SORCS2: variants seen among roughly 807,000 people sequenced by gnomAD.
The protein encoded by SORCS2 is VPS10 domain-containing receptor SorCS2.
Under a neutral mutation model 141.6 loss-of-function variants are expected in SORCS2, and 100 were observed. The observed-to-expected ratio is 0.71, with a 90% confidence interval of 0.60 to 0.83. SORCS2 has a LOEUF of 0.83. Among genes scored for constraint, SORCS2 ranks in the 40% least tolerant of loss-of-function variants. The pLI, the probability that SORCS2 is intolerant of heterozygous loss-of-function variation, is 0.00. For synonymous variants in SORCS2, 789 were observed against 676.9 expected, an observed-to-expected ratio of 1.17 and a Z score of -2.57; for missense variants, 1,646 against 1,560.2, an observed-to-expected ratio of 1.05 and a Z score of -0.93.
In SORCS2 at chr4:7,427,912, G is replaced by A. The variant is rs937875538; in HGVS notation, c.548+31557G>A. Among the ~76,000 whole-genome samples, 7 of 152,186 alleles carry A rather than the reference G, an allele frequency of 4.6e-5. No homozygotes were observed. In the South Asian group the frequency reaches 8.3e-4, roughly 18 times the overall value. On this transcript the variant is annotated intron_variant, in intron 2 of 26. Transcript: ENST00000507866. ...TCACATTTCAACACCAGCTTTGGAGGGGGCAGGCATCCGAACCATATCACC... is the reference window on the plus strand; with the variant it reads ...TCACATTTCAACACCAGCTTTGGAGAGGGCAGGCATCCGAACCATATCACC...
chr4:7,427,349 C>T (rs796491140), intron 2 of SORCS2, among the ~76,000 whole-genome samples: 11 of 152,226 alleles, frequency 7.2e-5, no homozygotes, highest in African/African-American at 1.9e-4. Context: ...CCTGGGGCCT[C>T]GGGCAAGAGC....
At chr4:7,594,428 C>T (rs531971525) in intron 3 of SORCS2, among the ~76,000 whole-genome samples, 4 of 152,344 alleles carry the variant, frequency 2.6e-5, no homozygotes, top group Middle Eastern at 6.8e-3. Flanking sequence ...AGCTGCTGCC[C>T]GAGGAAGGGT....
intron 2 of SORCS2, among the ~76,000 whole-genome samples, chr4:7,445,609 G>A (rs1004709693): frequency 3.9e-5 from 6 of 152,162 alleles, no homozygotes; most frequent in African/African-American, 7.2e-5. Flanking sequence ...AGAACAGGGC[G>A]GGATGGAGGC....
chr4:7,678,029 T>G (rs1723277714), intron 9 of SORCS2, among the ~76,000 whole-genome samples: 1 of 152,186 alleles, frequency 6.6e-6, no homozygotes, highest in African/African-American at 2.4e-5. Context: ...CTGTGATGCC[T>G]GCACCACCGC....
chr4:7,542,365 A>G (rs1319572693), intron 3 of SORCS2, among the ~76,000 whole-genome samples: 1 of 152,136 alleles, frequency 6.6e-6, no homozygotes, highest in East Asian at 1.9e-4. Context: ...ATCGAGGTAA[A>G]ATGAGGTCAT....
intron 2 of SORCS2, among the ~76,000 whole-genome samples, chr4:7,427,202 G>A (rs888454802): frequency 2.0e-5 from 3 of 152,198 alleles, no homozygotes; most frequent in Admixed American, 2.0e-4. Context: ...GGGTGACCTA[G>A]GGGGCCTCTC....
chr4:7,452,456 G>C (rs1728524756), intron 2 of SORCS2, among the ~76,000 whole-genome samples: 1 of 152,146 alleles, frequency 6.6e-6, no homozygotes, highest in South Asian at 2.1e-4. Context: ...AGGTTCTTCT[G>C]TTCCCCCTCT....
At chr4:7,611,988 C>T (rs1718435703) in intron 3 of SORCS2, among the ~76,000 whole-genome samples, 1 of 152,224 alleles carries the variant, frequency 6.6e-6, no homozygotes. Context: ...CTGGGCTCTG[C>T]CGTGGGTTCC....
intron 2 of SORCS2, among the ~76,000 whole-genome samples, chr4:7,417,752 CTGCAGAAGA>C (rs1477124707): frequency 6.6e-6 from 1 of 152,226 alleles, no homozygotes; most frequent in East Asian, 1.9e-4. Context: ...CCTCTCCTAT[CTGCAGAAGA>C]TGCAGAGAGC....
chr4:7,545,256 G>C (rs982047999), intron 3 of SORCS2, among the ~76,000 whole-genome samples: 1 of 152,022 alleles, frequency 6.6e-6, no homozygotes, highest in Admixed American at 6.5e-5. Context: ...CTTCTGAAGA[G>C]CATGCAGAAC....
intron 1 of SORCS2, among the ~76,000 whole-genome samples, chr4:7,328,990 T>A (rs1719471117): frequency 6.6e-6 from 1 of 152,134 alleles, no homozygotes; most frequent in South Asian, 2.1e-4. Context: ...AGGTGAGGTG[T>A]GTGGCCCCCC....
At chr4:7,245,463 T>C (rs1258947624) in intron 1 of SORCS2, among the ~76,000 whole-genome samples, 1 of 152,274 alleles carries the variant, frequency 6.6e-6, no homozygotes, top group African/African-American at 2.4e-5. Context: ...CTTTCTGAAA[T>C]AACTTGGGCT....
At chr4:7,559,311 C>T (rs1714360694) in intron 3 of SORCS2, among the ~76,000 whole-genome samples, 1 of 152,132 alleles carries the variant, frequency 6.6e-6, no homozygotes. Flanking sequence ...TGGTTTATCT[C>T]GAGCCTGGCC....
intron 1 of SORCS2, among the ~76,000 whole-genome samples, chr4:7,350,133 C>G (rs938066571): frequency 4.6e-5 from 7 of 152,182 alleles, no homozygotes; most frequent in African/African-American, 1.7e-4. Flanking sequence ...TAAATGGACA[C>G]GACTCTTGTT....
intron 3 of SORCS2, among the ~76,000 whole-genome samples, chr4:7,563,789 G>A (rs576005602): frequency 2.0e-5 from 3 of 152,286 alleles, no homozygotes; most frequent in South Asian, 2.1e-4. Flanking sequence ...TCATGTGCAC[G>A]TACTGTTCTA....
chr4:7,210,001 C>T (rs947034813), intron 1 of SORCS2, among the ~76,000 whole-genome samples: 4 of 152,170 alleles, frequency 2.6e-5, no homozygotes, highest in African/African-American at 9.7e-5. Flanking sequence ...CCCTCTGGGA[C>T]GGGAGCAGAT....
intron 4 of SORCS2, among the ~76,000 whole-genome samples, chr4:7,642,693 A>G (rs1385001465): frequency 6.6e-6 from 1 of 152,200 alleles, no homozygotes; most frequent in Non-Finnish European, 1.5e-5. Context: ...AATGGCTTAC[A>G]GAAACAAGCA....
At position 7,704,189 on chromosome 4, in the gene SORCS2, C is replaced by T. The variant is rs551871886; in HGVS notation, c.1773C>T (p.Asp591=). 1.4e-4 allele frequency: 219 copies of T among 1,611,998 alleles called. 5 individuals are homozygous for T. The South Asian group carries it at 2.1e-3, about 16-fold the overall frequency. Residue 591 remains aspartate, a synonymous_variant, in exon 14 of 27, where the codon GAC becomes GAT. Transcript: ENST00000507866. ...CTTCTCCTGGCAGGTTCAGTGTGGA[C>T]GAGGGCCTCACCTGGAGCACGCACA... is the stretch of plus-strand genomic sequence containing the variant. The part of the protein sequence containing the change: ...IPLKILKFSV[D]EGLTWSTHNF...
intron 2 of SORCS2, among the ~76,000 whole-genome samples, chr4:7,503,586 G>A (rs909801991): frequency 2.6e-5 from 4 of 152,176 alleles, no homozygotes; most frequent in Non-Finnish European, 5.9e-5. Flanking sequence ...AGATACACCT[G>A]CAGAAACAGT....
Sources: gnomAD v4.1 joint callset for allele counts (sites outside exome capture counted in the v4.1 genomes callset) on GRCh38, gnomAD v4.1.1 for gene constraint, MANE v1.5 for transcripts, NCBI Gene and HGNC (gene_info 2026-07-23, HGNC 2026-07-21) for gene names.